ZFAND3: variants seen among roughly 807,000 people sequenced by gnomAD.
ZFAND3 encodes zinc finger AN1-type containing 3, also known as AN1-type zinc finger protein 3.
Under a neutral mutation model 29.6 loss-of-function variants are expected in ZFAND3, and 10 were observed. That is an observed-to-expected ratio of 0.34 (90% CI 0.21 to 0.57). The LOEUF (loss-of-function observed/expected upper bound fraction) is 0.57, where lower values mean the gene tolerates loss of function less well. Among genes scored for constraint, ZFAND3 ranks in the 20% least tolerant of loss-of-function variants. The pLI is 0.86. For missense variants in ZFAND3, 230 were observed against 304.5 expected, an observed-to-expected ratio of 0.76 and a Z score of 1.82; for synonymous variants, 128 against 112.6, an observed-to-expected ratio of 1.14 and a Z score of -0.87.
chr6:38,040,574 A>C (rs758584453), intron 2 of ZFAND3, among the ~76,000 whole-genome samples: 10 of 152,188 alleles, frequency 6.6e-5, no homozygotes, highest in Non-Finnish European at 1.3e-4. Flanking sequence ...TAAATCTTTT[A>C]ATTTTGATAC....
At chr6:38,085,792 A>G (rs1764745578) in intron 4 of ZFAND3, among the ~76,000 whole-genome samples, 1 of 152,160 alleles carries the variant, frequency 6.6e-6, no homozygotes, top group Non-Finnish European at 1.5e-5. Flanking sequence ...TACATATTAA[A>G]GGTACATGGC....
chr6:38,118,063 G>T (rs1392732537), intron 5 of ZFAND3, among the ~76,000 whole-genome samples: 2 of 152,222 alleles, frequency 1.3e-5, no homozygotes, highest in Non-Finnish European at 2.9e-5. Flanking sequence ...GGGCATTTTG[G>T]TTATAGTGCT....
intron 2 of ZFAND3, among the ~76,000 whole-genome samples, chr6:38,036,643 A>G (rs527313910): frequency 4.6e-5 from 7 of 152,360 alleles, no homozygotes; most frequent in African/African-American, 1.4e-4. Flanking sequence ...AGACTCATCA[A>G]GTAGAGATTA....
chr6:37,992,793 G>A (rs147757820), intron 2 of ZFAND3, among the ~76,000 whole-genome samples: 151 of 151,886 alleles, frequency 9.9e-4, no homozygotes, highest in African/African-American at 3.5e-3. Context: ...TTTCATCTAC[G>A]CTGGTTCCTT....
intron 2 of ZFAND3, among the ~76,000 whole-genome samples, chr6:37,950,783 G>C (rs1446457163): frequency 1.3e-5 from 2 of 152,162 alleles, no homozygotes; most frequent in African/African-American, 4.8e-5. Flanking sequence ...GGTTACTATA[G>C]TCTCAAGGTG....
chr6:37,939,335 C>G (rs1289776731), intron 2 of ZFAND3, among the ~76,000 whole-genome samples: 2 of 152,156 alleles, frequency 1.3e-5, no homozygotes, highest in African/African-American at 4.8e-5. Flanking sequence ...ACATATCATT[C>G]TAGTCTCTGC....
intron 1 of ZFAND3, among the ~76,000 whole-genome samples, chr6:37,917,218 G>A (rs995710205): frequency 4.6e-5 from 7 of 152,114 alleles, no homozygotes; most frequent in Non-Finnish European, 1.0e-4. Flanking sequence ...AAGGATAATG[G>A]GGGACTACTG....
intron 3 of ZFAND3, among the ~76,000 whole-genome samples, chr6:38,077,973 G>A (rs1042545074): frequency 6.6e-6 from 1 of 152,102 alleles, no homozygotes. Flanking sequence ...AAGAATTCTG[G>A]TGCTTCACTT....
chr6:38,107,467 G>T (rs936148181), intron 4 of ZFAND3, among the ~76,000 whole-genome samples: 1 of 152,174 alleles, frequency 6.6e-6, no homozygotes, highest in African/African-American at 2.4e-5. Context: ...TGCCATGTGG[G>T]CTTGTCAGGT....
In ZFAND3 at chr6:37,820,664, A is replaced by G. The variant is rs1763649789; in HGVS notation, c.71+648A>G. Among the ~76,000 whole-genome samples the G allele has an allele frequency of 1.3e-5, 2 of 152,332 alleles. 1 individual carries two copies. The highest frequency in any genetic ancestry group is 4.2e-4 in the South Asian group (2 of 4,818). ...TAAAATTTCCTTGTCAAAAAGGAAG[A>G]AAAAAACCACACAAAACCTGAAGTC... On this transcript the variant is annotated intron_variant, in intron 1 of 5. Coordinates refer to ENST00000287218, the MANE Select transcript of ZFAND3 (RefSeq NM_021943.3).
chr6:37,936,502 A>ATG (rs1347866162), intron 2 of ZFAND3, among the ~76,000 whole-genome samples: 3 of 152,222 alleles, frequency 2.0e-5, no homozygotes, highest in Admixed American at 1.3e-4. Context: ...GGACTTTTAA[A>ATG]TGTGTGCATA....
chr6:37,894,372 C>G (rs181027040), intron 1 of ZFAND3, among the ~76,000 whole-genome samples: 116 of 143,006 alleles, frequency 8.1e-4, no homozygotes, highest in African/African-American at 2.9e-3. Context: ...CCTTGAAATC[C>G]TTCCTTTCCT....
At chr6:37,948,448 TTC>T (rs1761939012) in intron 2 of ZFAND3, among the ~76,000 whole-genome samples, 1 of 152,226 alleles carries the variant, frequency 6.6e-6, no homozygotes, top group Non-Finnish European at 1.5e-5. Context: ...CATAGTTTTT[TTC>T]TTTTTGTTTT....
chr6:37,940,043 G>A (rs1331613539), intron 2 of ZFAND3, among the ~76,000 whole-genome samples: 1 of 152,096 alleles, frequency 6.6e-6, no homozygotes, highest in Admixed American at 6.6e-5. Flanking sequence ...CTGTCTCGGG[G>A]TGGGGAGGCG....
intron 2 of ZFAND3, among the ~76,000 whole-genome samples, chr6:37,984,430 G>T (rs1010582934): frequency 7.2e-5 from 11 of 152,194 alleles, no homozygotes; most frequent in African/African-American, 2.7e-4. Context: ...TGGAATGGGG[G>T]CTCAGATGTG....
intron 2 of ZFAND3, among the ~76,000 whole-genome samples, chr6:38,015,599 T>C (rs1488828206): frequency 6.6e-6 from 1 of 152,228 alleles, no homozygotes; most frequent in Non-Finnish European, 1.5e-5. Flanking sequence ...CCTAGAACAC[T>C]ATGCAGCTAT....
intron 2 of ZFAND3, among the ~76,000 whole-genome samples, chr6:38,019,597 T>C (rs913434213): frequency 1.8e-4 from 28 of 152,246 alleles, no homozygotes; most frequent in African/African-American, 6.3e-4. Flanking sequence ...TTTTGGGTCA[T>C]TCTGAAGGTT....
intron 5 of ZFAND3, among the ~76,000 whole-genome samples, chr6:38,128,105 C>G (rs1242554092): frequency 1.3e-5 from 2 of 152,192 alleles, no homozygotes; most frequent in Non-Finnish European, 2.9e-5. Flanking sequence ...CCAGTTATGG[C>G]AAACACACGC....
intron 5 of ZFAND3, among the ~76,000 whole-genome samples, chr6:38,144,227 ATATATT>A (rs1562016191): frequency 2.6e-3 from 205 of 79,936 alleles, no homozygotes; most frequent in Non-Finnish European, 4.1e-3. Flanking sequence ...TAATATATAT[ATATATT>A]TTTTTTTTAA....
Sources: allele counts gnomAD v4.1 joint callset (sites outside exome capture counted in the v4.1 genomes callset), GRCh38; gene constraint gnomAD v4.1.1; transcripts MANE v1.5; gene names NCBI Gene and HGNC (gene_info 2026-07-23, HGNC 2026-07-21).